Variants in ELOVL5 observed in about 807,000 individuals in gnomAD.
The protein encoded by ELOVL5 is ELOVL fatty acid elongase 5, also known as very long chain fatty acid elongase 5.
Under a neutral mutation model 38.6 loss-of-function variants are expected in ELOVL5, and 8 were observed. That is an observed-to-expected ratio of 0.21 (90% CI 0.12 to 0.37). ELOVL5 has a LOEUF of 0.37. Among genes scored for constraint, ELOVL5 ranks in the 10% least tolerant of loss-of-function variants. The pLI is 1.00. For missense variants in ELOVL5, 280 were observed against 367.8 expected, an observed-to-expected ratio of 0.76 and a Z score of 1.95; for synonymous variants, 127 against 133.7, an observed-to-expected ratio of 0.95 and a Z score of 0.34.
chr6:53,270,857 A>G (rs779812770), intron 6 of ELOVL5, 130 bp from the exon 7 acceptor site: 1 of 993,432 alleles, frequency 1.0e-6, no homozygotes, highest in Non-Finnish European at 1.5e-6. Context: ...CAGGTACAGC[A>G]GTCACTTCAT....
intron 1 of ELOVL5, among the ~76,000 whole-genome samples, chr6:53,312,126 C>T (rs1767864402): frequency 6.6e-6 from 1 of 152,126 alleles, no homozygotes; most frequent in Admixed American, 6.5e-5. Context: ...CTAGAAGTAA[C>T]CTTCTGCTAC....
intron 1 of ELOVL5, among the ~76,000 whole-genome samples, chr6:53,336,728 T>C (rs575200033): frequency 6.6e-6 from 1 of 152,176 alleles, no homozygotes; most frequent in Non-Finnish European, 1.5e-5. Context: ...ATTCCGTCCT[T>C]GGGAACAGTG....
At chr6:53,326,360 C>T (rs1768540272) in intron 1 of ELOVL5, among the ~76,000 whole-genome samples, 1 of 152,114 alleles carries the variant, frequency 6.6e-6, no homozygotes, top group African/African-American at 2.4e-5. Context: ...TGTCACCTTG[C>T]TCTCTGGATA....
intron 1 of ELOVL5, among the ~76,000 whole-genome samples, chr6:53,304,771 C>G (rs1394378377): frequency 2.0e-5 from 3 of 152,228 alleles, no homozygotes; most frequent in Admixed American, 1.3e-4. Flanking sequence ...AGGATCCCAA[C>G]GCAGAAGAAT....
At position 53,275,273 on chromosome 6, in the gene ELOVL5, G is replaced by A; in HGVS notation, c.325-12C>T. 1 of 1,613,556 alleles carries A rather than the reference G, an allele frequency of 6.2e-7. No individual in the cohort carries two copies. Among genetic ancestry groups the A allele is most frequent in the Non-Finnish European group, 8.5e-7 (1 of 1,179,500 alleles). On this transcript the variant is annotated splice_polypyrimidine_tract_variant and intron_variant, in intron 4 of 7. Transcript: ENST00000304434. ...AGGACACGGATAATCTAAGAGGAAA[G>A]GGTCAAAGATTTAAGGCTTATCCTC...
At chr6:53,278,082 G>A (rs575407962) in intron 3 of ELOVL5, among the ~76,000 whole-genome samples, 5 of 152,266 alleles carry the variant, frequency 3.3e-5, no homozygotes, top group East Asian at 1.9e-4. Flanking sequence ...AATTAAAAAC[G>A]TACTAACATA....
intron 1 of ELOVL5, among the ~76,000 whole-genome samples, chr6:53,322,463 A>T (rs543198624): frequency 6.6e-6 from 1 of 152,352 alleles, no homozygotes; most frequent in South Asian, 2.1e-4. Flanking sequence ...TCCCATGCGG[A>T]GGCACTAAGT....
intron 1 of ELOVL5, among the ~76,000 whole-genome samples, chr6:53,324,280 AAAAAG>A (rs1768423342): frequency 1.3e-5 from 2 of 151,772 alleles, no homozygotes; most frequent in Admixed American, 6.6e-5. Context: ...AAAAAAGAAA[AAAAAG>A]AAAAGAAAAA....
intron 7 of ELOVL5, among the ~76,000 whole-genome samples, chr6:53,269,719 A>G (rs1232603440): frequency 2.0e-5 from 3 of 152,186 alleles, no homozygotes; most frequent in Admixed American, 6.5e-5. Context: ...CTATGCTGCT[A>G]TAAGTAGTTA....
intron 1 of ELOVL5, among the ~76,000 whole-genome samples, chr6:53,320,303 T>G (rs967460052): frequency 1.3e-5 from 2 of 151,922 alleles, no homozygotes; most frequent in African/African-American, 4.8e-5. Context: ...GGTGACAGAA[T>G]GAGTCTGTCT....
chr6:53,270,717 A>C lies in ELOVL5; in HGVS notation c.632T>G (p.Val211Gly). The stretch of plus-strand genomic sequence containing the variant: ...GCAGCTGGTCTGGATGATTGTCAGC[A>C]CAAACTGAAGCTAGGGGAACAGAGG... ...YITQGQLLQFVLTIIQTSCGV... is the reference protein window; with the variant it reads ...YITQGQLLQFGLTIIQTSCGV... The change falls in exon 7 of 8, where the codon GTG becomes GGG. Residue 211 changes from valine (V) to glycine (G), a missense_variant. This residue lies in a region of ELOVL5 where 125 missense variants were observed against 158.9 expected (regional missense o/e 0.79). Transcript: ENST00000304434. 1 of 1,614,208 alleles carries C rather than the reference A, an allele frequency of 6.2e-7. No homozygotes were observed.
At chr6:53,316,609 A>G (rs899805076) in intron 1 of ELOVL5, among the ~76,000 whole-genome samples, 5 of 151,954 alleles carry the variant, frequency 3.3e-5, no homozygotes, top group Non-Finnish European at 5.9e-5. Context: ...AAACGACTGC[A>G]AGAGTCCAGA....
At position 53,297,287 on chromosome 6, in the gene ELOVL5, C is replaced by T. The variant is rs574877922; in HGVS notation, c.-8-1580G>A. On this transcript the variant is annotated intron_variant, in intron 1 of 7. Transcript: ENST00000304434. The stretch of plus-strand genomic sequence containing the variant: ...ATCCAACAATTAAGATTTTAACATA[C>T]AGTAGTCCCCTCTTAATCCACAGTT... Among the ~76,000 whole-genome samples the T allele has an allele frequency of 2.0e-4, 30 of 152,312 alleles. 1 individual carries two copies. Among genetic ancestry groups the T allele is most frequent in the African/African-American group, 7.2e-4 (30 of 41,562 alleles).
At chr6:53,281,719 G>T (rs1766367145) in intron 3 of ELOVL5, among the ~76,000 whole-genome samples, 2 of 152,058 alleles carry the variant, frequency 1.3e-5, no homozygotes, top group African/African-American at 4.8e-5. Context: ...GTGCTATTAG[G>T]GAGTGCCAGG....
chr6:53,293,195 TAAC>T (rs1441011495), intron 2 of ELOVL5, among the ~76,000 whole-genome samples: 1 of 152,148 alleles, frequency 6.6e-6, no homozygotes, highest in African/African-American at 2.4e-5. Context: ...TCCTCAATCT[TAAC>T]TACCCGCCAA....
chr6:53,302,420 T>C (rs549127938), intron 1 of ELOVL5, among the ~76,000 whole-genome samples: 1 of 151,998 alleles, frequency 6.6e-6, no homozygotes, highest in Non-Finnish European at 1.5e-5. Context: ...CATGAGGGGA[T>C]GGGGGTAGGT....
intron 1 of ELOVL5, among the ~76,000 whole-genome samples, chr6:53,297,949 AAC>A (rs1767080883): frequency 6.6e-6 from 1 of 152,210 alleles, no homozygotes; most frequent in African/African-American, 2.4e-5. Context: ...TCCTCTTTAA[AAC>A]ACAGTTAAAT....
At chr6:53,343,333 C>A (rs569523912) in intron 1 of ELOVL5, among the ~76,000 whole-genome samples, 3 of 152,126 alleles carry the variant, frequency 2.0e-5, no homozygotes, top group African/African-American at 7.2e-5. Context: ...CCACCTCAGC[C>A]TCCCAAGGAG....
chr6:53,294,193 C>A (rs1766888868), intron 2 of ELOVL5: 2 of 1,468,782 alleles, frequency 1.4e-6, no homozygotes, highest in Non-Finnish European at 1.8e-6. Flanking sequence ...ACAGTGCTTC[C>A]CGGGCACCTG....
Sources: allele counts gnomAD v4.1 joint callset (sites outside exome capture counted in the v4.1 genomes callset), GRCh38; gene constraint gnomAD v4.1.1; regional missense constraint gnomAD v4.1.1; transcripts MANE v1.5; gene names NCBI Gene and HGNC (gene_info 2026-07-23, HGNC 2026-07-21).